EIF4ENIF1: variants seen among roughly 807,000 people sequenced by gnomAD.
EIF4ENIF1 encodes eukaryotic translation initiation factor 4E transporter.
In EIF4ENIF1, 23 loss-of-function variants were observed where a neutral mutation model predicts 110.5. The observed-to-expected ratio is 0.21, with a 90% CI of 0.15 to 0.29. EIF4ENIF1 has a LOEUF of 0.29. Among genes scored for constraint, EIF4ENIF1 ranks in the 10% least tolerant of loss-of-function variants. The pLI is 1.00. For missense variants in EIF4ENIF1, 1,031 were observed against 1,221.1 expected, an observed-to-expected ratio of 0.84 and a Z score of 2.32; for synonymous variants, 440 against 437.0, an observed-to-expected ratio of 1.01 and a Z score of -0.09.
intron 2 of EIF4ENIF1, among the ~76,000 whole-genome samples, chr22:31,477,390 A>AAAAAAAAAAAAAAAAAAAAAAAAAAAG (rs1381135932): frequency 7.5e-6 from 1 of 133,654 alleles, no homozygotes; most frequent in Non-Finnish European, 1.6e-5. Context: ...AAAACAAAAA[A>AAAAAAAAAAAAAAAAAAAAAAAAAAAG]AGAGAATTTG....
intron 2 of EIF4ENIF1, among the ~76,000 whole-genome samples, chr22:31,481,208 G>A (rs2051803203): frequency 6.6e-6 from 1 of 152,062 alleles, no homozygotes; most frequent in South Asian, 2.1e-4. Context: ...TGTTGCCCAT[G>A]CTGGAGTGCA....
chr22:31,451,203 T>C (rs1305765852), intron 10 of EIF4ENIF1: 2 of 152,244 alleles, frequency 1.3e-5, no homozygotes, highest in East Asian at 3.9e-4. Flanking sequence ...GGTTTTAAAA[T>C]CCTAGTAAAC....
chr22:31,483,402 C>T (rs2051902915), intron 2 of EIF4ENIF1, among the ~76,000 whole-genome samples: 1 of 151,692 alleles, frequency 6.6e-6, no homozygotes. Context: ...AGGGTCTTGT[C>T]ATCCTGCCCA....
intron 6 of EIF4ENIF1, among the ~76,000 whole-genome samples, chr22:31,460,507 C>T (rs184290349): frequency 6.6e-6 from 1 of 151,794 alleles, no homozygotes; most frequent in Admixed American, 6.6e-5. Context: ...TTGGCACGCG[C>T]CTGTAGTTCC....
chr22:31,491,388 A>AGT (rs2052276364), upstream of EIF4ENIF1, among the ~76,000 whole-genome samples: 1 of 152,142 alleles, frequency 6.6e-6, no homozygotes, highest in Non-Finnish European at 1.5e-5. Context: ...GACTCCCTGG[A>AGT]GTAGTGGAGA....
At chr22:31,450,753 CACATACATATATACAT>C (rs2050623855) in intron 10 of EIF4ENIF1, 3 of 265,604 alleles carry the variant, frequency 1.1e-5, no homozygotes, top group Admixed American at 5.1e-5. Context: ...CATATATACA[CACATACATATATACAT>C]ACATATATAC....
At chr22:31,466,902 T>A (rs1195827852) in intron 4 of EIF4ENIF1, among the ~76,000 whole-genome samples, 2 of 152,144 alleles carry the variant, frequency 1.3e-5, no homozygotes, top group Non-Finnish European at 2.9e-5. Flanking sequence ...GTGAGAAAAA[T>A]CTGCTTTAAT....
intron 2 of EIF4ENIF1, among the ~76,000 whole-genome samples, chr22:31,472,549 G>A (rs1188637192): frequency 1.3e-5 from 2 of 152,166 alleles, no homozygotes; most frequent in African/African-American, 2.4e-5. Context: ...GATTACAGGT[G>A]TGAGCAACCG....
At chr22:31,488,507 T>TA in intron 2 of EIF4ENIF1, 116 bp downstream of exon 2, 2 of 1,426,454 alleles carry the variant, frequency 1.4e-6, no homozygotes, top group Non-Finnish European at 1.9e-6. Flanking sequence ...AGTTAATATT[T>TA]AGTCCATGTA....
At chr22:31,468,952 A>G (rs1260954470) in intron 3 of EIF4ENIF1, among the ~76,000 whole-genome samples, 1 of 152,210 alleles carries the variant, frequency 6.6e-6, no homozygotes, top group Non-Finnish European at 1.5e-5. Flanking sequence ...TTTACTGAAG[A>G]CTAATACAAA....
intron 15 of EIF4ENIF1, 146 bp downstream of exon 15, chr22:31,444,460 C>A: frequency 1.3e-6 from 1 of 751,378 alleles, no homozygotes; most frequent in Non-Finnish European, 2.3e-6. Flanking sequence ...AAGGGAAAGA[C>A]CTAATAGACA....
Position 31,480,807 on chromosome 22 carries a change from G to A in EIF4ENIF1, c.96+7816C>T, listed in dbSNP as rs529426881. ...GGGCCGGGTGCAGTGGCTCACGTCT[G>A]TAACCCCAGCACTTTAGGAGACCAA... On this transcript the variant is annotated intron_variant, in intron 2 of 18. Transcript: ENST00000330125. 2.0e-5 allele frequency among the ~76,000 whole-genome samples: 3 copies of A among 152,216 alleles called. No individual in the cohort carries two copies. In the East Asian group the frequency reaches 5.8e-4, roughly 29 times the overall value.
Position 31,439,493 on chromosome 22 carries a change from T to C in EIF4ENIF1, c.*387A>G, listed in dbSNP as rs1334972931. The C allele has an allele frequency of 1.7e-5, 3 of 180,922 alleles. No individual in the cohort carries two copies. The highest frequency in any genetic ancestry group is 7.2e-5 in the African/African-American group (3 of 41,900). The allele number at this position is 180,922 out of a possible 1,614,324, so 11.2% of individuals were successfully genotyped here. On this transcript the variant is annotated 3_prime_UTR_variant, in exon 19 of 19. Coordinates refer to ENST00000330125, the MANE Select transcript of EIF4ENIF1 (RefSeq NM_019843.4). ...TCAGCTACTTTTATGTACAGCTGTATAGTTCAAAAAAGCTATCCTATATGT... is the reference window on the plus strand; with the variant it reads ...TCAGCTACTTTTATGTACAGCTGTACAGTTCAAAAAAGCTATCCTATATGT...
At chr22:31,442,198 T>G in intron 16 of EIF4ENIF1, 80 bp from the exon 17 acceptor site, 1 of 1,104,226 alleles carries the variant, frequency 9.1e-7, no homozygotes, top group Non-Finnish European at 1.3e-6. Flanking sequence ...ATAAATCTCA[T>G]TTCTTAAGGT....
At position 31,450,275 on chromosome 22, in the gene EIF4ENIF1, A is replaced by C. The variant is rs767329401; in HGVS notation, c.1584+14T>G. ...TTCAAGACTCCAAGGCCTCAGTATAAGATTGTGAAGTACCTGCAGGATGTT... is the reference window on the plus strand; with the variant it reads ...TTCAAGACTCCAAGGCCTCAGTATACGATTGTGAAGTACCTGCAGGATGTT... On this transcript the variant is annotated intron_variant, in intron 11 of 18. Coordinates refer to ENST00000330125, the MANE Select transcript of EIF4ENIF1 (RefSeq NM_019843.4). The C allele has an allele frequency of 6.2e-7, 1 of 1,611,266 alleles. No individual in the cohort carries two copies. Among genetic ancestry groups the C allele is most frequent in the South Asian group, 1.1e-5 (1 of 91,006 alleles).
At chr22:31,486,731 C>T (rs1002329089) in intron 2 of EIF4ENIF1, among the ~76,000 whole-genome samples, 2 of 152,052 alleles carry the variant, frequency 1.3e-5, no homozygotes, top group African/African-American at 4.8e-5. Context: ...GAATCAAGAT[C>T]GCACCATTGC....
intron 2 of EIF4ENIF1, among the ~76,000 whole-genome samples, chr22:31,484,048 A>G (rs976622618): frequency 6.6e-6 from 1 of 152,220 alleles, no homozygotes; most frequent in African/African-American, 2.4e-5. Context: ...ATAACTATGC[A>G]TCTGAGTTAC....
chr22:31,485,365 G>A (rs2051978538), intron 2 of EIF4ENIF1, among the ~76,000 whole-genome samples: 1 of 152,112 alleles, frequency 6.6e-6, no homozygotes, highest in African/African-American at 2.4e-5. Flanking sequence ...AGAAACATAA[G>A]TCCTACCCTA....
chr22:31,485,841 C>G (rs2051997492), intron 2 of EIF4ENIF1, among the ~76,000 whole-genome samples: 1 of 140,296 alleles, frequency 7.1e-6, no homozygotes, highest in Non-Finnish European at 1.6e-5. Context: ...AGGGGCCAGG[C>G]TCGGTGGCTC....
Sources: allele counts gnomAD v4.1 joint callset (sites outside exome capture counted in the v4.1 genomes callset), GRCh38; gene constraint gnomAD v4.1.1; transcripts MANE v1.5; gene names NCBI Gene and HGNC (gene_info 2026-07-23, HGNC 2026-07-21).